The following RBM18 variants were observed in gnomAD, a reference collection of about 807,000 sequenced individuals.
RBM18 encodes RNA binding motif protein 18.
RBM18 carries 18 observed loss-of-function variants against 26.4 expected under a neutral mutation model. The ratio of observed to expected loss-of-function variants is 0.68; its 90% CI spans 0.47 to 1.01. The LOEUF (loss-of-function observed/expected upper bound fraction) is 1.01, where lower values mean the gene tolerates loss of function less well. Ranked by LOEUF, RBM18 falls within the 50% of genes least tolerant of loss-of-function variation. RBM18 has a pLI of 0.00. For synonymous variants in RBM18, 74 were observed against 81.1 expected, an observed-to-expected ratio of 0.91 and a Z score of 0.47; for missense variants, 180 against 219.2, an observed-to-expected ratio of 0.82 and a Z score of 1.13.
Position 122,245,187 on chromosome 9 carries a change from G to A in RBM18, c.413+69C>T, listed in dbSNP as rs553112290. On this transcript the variant is annotated intron_variant, in intron 5 of 5. Coordinates refer to ENST00000417201, the MANE Select transcript of RBM18 (RefSeq NM_033117.4). ...TCTGAAGACTCACTATTTTATGAAC[G>A]AAGACATGGAATAATGAAATGGCTG... The A allele has an allele frequency of 2.8e-5, 25 of 889,410 alleles. No individual in the cohort carries two copies. The South Asian group carries it at 2.8e-4, about 10-fold the overall frequency. 55.1% of individuals were successfully genotyped at this position (889,410 alleles called of 1,614,324 possible).
In RBM18 at chr9:122,238,242, T is replaced by C. The variant is rs1255133532; in HGVS notation, c.*3642A>G. 6.6e-6 allele frequency: 1 copy of C among 152,268 alleles called. No homozygotes were observed. The highest frequency in any genetic ancestry group is 2.4e-5 in the African/African-American group (1 of 41,464). 9.4% of individuals were successfully genotyped at this position (152,268 alleles called of 1,614,324 possible). On this transcript the variant is annotated 3_prime_UTR_variant, in exon 6 of 6. Transcript: ENST00000417201. The stretch of plus-strand genomic sequence containing the variant: ...AAATATTTATTGAGTATGTATGATG[T>C]ACAGCCATTGTTTTAAATGCTGAGG...
At chr9:122,244,873 T>C (rs1831478990) in intron 5 of RBM18, among the ~76,000 whole-genome samples, 1 of 152,176 alleles carries the variant, frequency 6.6e-6, no homozygotes, top group Admixed American at 6.5e-5. Context: ...CAAACTAAAA[T>C]TTTGTATAAG....
At position 122,240,779 on chromosome 9, in the gene RBM18, T is replaced by C. The variant is rs1831403928; in HGVS notation, c.*1105A>G. 6.6e-6 allele frequency: 1 copy of C among 152,218 alleles called. No individual in the cohort carries two copies. Among genetic ancestry groups the C allele is most frequent in the Non-Finnish European group, 1.5e-5 (1 of 68,050 alleles). 9.4% of individuals were successfully genotyped at this position (152,218 alleles called of 1,614,324 possible). ...GCAAGTATGTTCTCCAAGTGAAGAA[T>C]CATTTCCAAGGCATGCAGTCCTTTA... On this transcript the variant is annotated 3_prime_UTR_variant, in exon 6 of 6. Coordinates refer to ENST00000417201, the MANE Select transcript of RBM18 (RefSeq NM_033117.4).
intron 3 of RBM18, among the ~76,000 whole-genome samples, chr9:122,251,315 C>A (rs1223153417): frequency 6.6e-6 from 1 of 152,196 alleles, no homozygotes; most frequent in Non-Finnish European, 1.5e-5. Flanking sequence ...TATCAATGCA[C>A]TTCCACTTCA....
chr9:122,261,336 C>G lies in RBM18; in HGVS notation c.113+44G>C, dbSNP rs780577827. On this transcript the variant is annotated intron_variant, in intron 2 of 5. Coordinates refer to ENST00000417201, the MANE Select transcript of RBM18 (RefSeq NM_033117.4). ...TCTTCTTGACATCATCACCACAAAA[C>G]ATCCCAATATTGTAGGTAAAAAACT... 7.4e-6 allele frequency: 10 copies of G among 1,358,166 alleles called. No individual in the cohort carries two copies. The East Asian group carries it at 2.3e-4, about 31-fold the overall frequency. 84.1% of individuals were successfully genotyped at this position (1,358,166 alleles called of 1,614,324 possible).
intron 5 of RBM18, chr9:122,243,694 G>A: frequency 1.0e-6 from 1 of 981,760 alleles, no homozygotes; most frequent in East Asian, 1.1e-4. Context: ...GTATACATGG[G>A]CGAGAAATTT....
At position 122,262,978 on chromosome 9, in the gene RBM18, G is replaced by A. The variant is rs556115212; in HGVS notation, c.-16-1470C>T. Reference sequence around the variant, plus strand: ...TGCCCTGTTTATAACTTAAGGCTTCGAGGACCAAAAATGAGACGACAGATG... The same window carrying A: ...TGCCCTGTTTATAACTTAAGGCTTCAAGGACCAAAAATGAGACGACAGATG... On this transcript the variant is annotated intron_variant, in intron 1 of 5. Transcript: ENST00000417201. Among the ~76,000 whole-genome samples, 11 of 152,222 alleles carry A rather than the reference G, an allele frequency of 7.2e-5. No individual in the cohort carries two copies. In the South Asian group the frequency reaches 1.0e-3, roughly 14 times the overall value.
chr9:122,257,555 C>T (rs770234166), intron 2 of RBM18, among the ~76,000 whole-genome samples: 1 of 152,134 alleles, frequency 6.6e-6, no homozygotes, highest in African/African-American at 2.4e-5. Flanking sequence ...GACTGATAGA[C>T]ATCCTAGTGT....
rs1368686172 is a variant in RBM18, at chr9:122,239,420, A to C, written c.*2464T>G. On this transcript the variant is annotated 3_prime_UTR_variant, in exon 6 of 6. Transcript: ENST00000417201. ...TATAGAAAATCAACTGGTTAGGATT[A>C]CATTTTGCATTTGATAAAATAGGAA... The C allele has an allele frequency of 6.6e-6, 1 of 152,214 alleles. No homozygotes were observed. The highest frequency in any genetic ancestry group is 1.5e-5 in the Non-Finnish European group (1 of 68,044). The allele number at this position is 152,214 out of a possible 1,614,324, so 9.4% of individuals were successfully genotyped here.
intron 5 of RBM18, among the ~76,000 whole-genome samples, chr9:122,242,585 T>C (rs1831438742): frequency 1.3e-5 from 2 of 151,444 alleles, no homozygotes; most frequent in East Asian, 1.9e-4. Context: ...CTCTTTTTAC[T>C]GATGAATGCA....
At chr9:122,247,625 TGTTA>T (rs761747775) in intron 3 of RBM18, 21 bp from the exon 4 acceptor site, 6 of 1,603,422 alleles carry the variant, frequency 3.7e-6, no homozygotes, top group Non-Finnish European at 5.1e-6. Context: ...AAGGGACAAA[TGTTA>T]GTTAAAAACT....
At position 122,245,270 on chromosome 9, in the gene RBM18, A is replaced by G; in HGVS notation, c.399T>C (p.Thr133=). ...SLEPSSSTEP[T]QSNLSVTAKI... is the part of the protein sequence containing the mutation. ...CATCATCTTACCTTAGGTTAGACTG[A>G]GTAGGCTCAGTGCTTGAGGATGGCT... Residue 133 remains threonine, a synonymous_variant, in exon 5 of 6, where the codon ACT becomes ACC. Coordinates refer to ENST00000417201, the MANE Select transcript of RBM18 (RefSeq NM_033117.4). 6.3e-7 allele frequency: 1 copy of G among 1,599,890 alleles called. No homozygotes were observed. Among genetic ancestry groups the G allele is most frequent in the East Asian group, 2.2e-5 (1 of 44,802 alleles).
At chr9:122,247,457 C>T in intron 4 of RBM18, 61 bp downstream of exon 4, 1 of 1,418,760 alleles carries the variant, frequency 7.0e-7, no homozygotes, top group Non-Finnish European at 9.9e-7. Context: ...AAGTGGACAA[C>T]CATCTTTCAG....
intron 5 of RBM18, among the ~76,000 whole-genome samples, chr9:122,245,015 G>C (rs1405431398): frequency 3.3e-5 from 5 of 152,178 alleles, no homozygotes; most frequent in African/African-American, 1.2e-4. Context: ...ACAAGGGTTG[G>C]TGTGTAGTAG....
chr9:122,253,148 C>T (rs1473048634), intron 2 of RBM18, among the ~76,000 whole-genome samples: 2 of 152,168 alleles, frequency 1.3e-5, no homozygotes, highest in East Asian at 1.9e-4. Context: ...GTAAAGTTGT[C>T]GTTATAGCCA....
intron 3 of RBM18, among the ~76,000 whole-genome samples, chr9:122,250,987 G>A (rs1317802583): frequency 6.6e-6 from 1 of 151,792 alleles, no homozygotes; most frequent in Non-Finnish European, 1.5e-5. Flanking sequence ...ATAGTGGTGT[G>A]ATCATAGCTT....
intron 4 of RBM18, among the ~76,000 whole-genome samples, chr9:122,246,620 G>T (rs1009754944): frequency 6.6e-6 from 1 of 152,184 alleles, no homozygotes; most frequent in Non-Finnish European, 1.5e-5. Flanking sequence ...TACTCAGAAG[G>T]ATCTAAAGTA....
intron 5 of RBM18, among the ~76,000 whole-genome samples, chr9:122,243,270 C>A (rs868270447): frequency 6.6e-6 from 1 of 152,190 alleles, no homozygotes; most frequent in Non-Finnish European, 1.5e-5. Flanking sequence ...CTGCACTCGA[C>A]CTACTTATAA....
At chr9:122,244,825 T>C (rs548010885) in intron 5 of RBM18, among the ~76,000 whole-genome samples, 1 of 152,376 alleles carries the variant, frequency 6.6e-6, no homozygotes, top group African/African-American at 2.4e-5. Context: ...ACCAAAACTG[T>C]TATGGCTGTT....
Sources: gnomAD v4.1 joint callset for allele counts (sites outside exome capture counted in the v4.1 genomes callset) on GRCh38, gnomAD v4.1.1 for gene constraint, MANE v1.5 for transcripts, NCBI Gene and HGNC (gene_info 2026-07-23, HGNC 2026-07-21) for gene names.